Variants in KHDRBS2 observed in about 807,000 individuals in gnomAD.
KHDRBS2 encodes the protein KH domain-containing, RNA-binding, signal transduction-associated protein 2.
KHDRBS2 carries 26 observed loss-of-function variants against 44.3 expected under a neutral mutation model. The ratio of observed to expected loss-of-function variants is 0.59; its 90% CI spans 0.43 to 0.81. The LOEUF (loss-of-function observed/expected upper bound fraction) is 0.81. Among genes scored for constraint, KHDRBS2 ranks in the 40% least tolerant of loss-of-function variants. The pLI, the probability that KHDRBS2 is intolerant of heterozygous loss-of-function variation, is 0.00. For missense variants in KHDRBS2, 476 were observed against 433.1 expected, an observed-to-expected ratio of 1.10 and a Z score of -0.88; for synonymous variants, 194 against 151.1, an observed-to-expected ratio of 1.28 and a Z score of -2.08.
chr6:62,213,238 G>A (rs1261299682), intron 1 of KHDRBS2, among the ~76,000 whole-genome samples: 4 of 152,074 alleles, frequency 2.6e-5, no homozygotes, highest in Non-Finnish European at 4.4e-5. Context: ...CTTTCATTGA[G>A]ATGATTATTT....
At chr6:61,641,815 G>A in the KHDRBS2 span, among the ~76,000 whole-genome samples, 2 of 152,176 alleles carry the variant, frequency 1.3e-5, no homozygotes, top group Non-Finnish European at 2.9e-5. Context: ...CAAAGATAGA[G>A]ATAGAGGCCA....
intron 2 of KHDRBS2, among the ~76,000 whole-genome samples, chr6:62,070,590 T>C (rs1050306065): frequency 5.3e-5 from 8 of 152,050 alleles, no homozygotes; most frequent in Non-Finnish European, 1.0e-4. Flanking sequence ...ACACGCGGTG[T>C]TCGGTTTTTT....
At chr6:61,851,271 ATG>A (rs1415423069) in intron 6 of KHDRBS2, among the ~76,000 whole-genome samples, 1 of 130,710 alleles carries the variant, frequency 7.7e-6, no homozygotes, top group Non-Finnish European at 1.7e-5. Context: ...GTATATATAT[ATG>A]TGTGTGTATA....
intron 3 of KHDRBS2, among the ~76,000 whole-genome samples, chr6:61,991,494 G>A (rs1266401907): frequency 3.9e-5 from 6 of 152,062 alleles, no homozygotes; most frequent in African/African-American, 1.4e-4. Flanking sequence ...AGAAACCTAC[G>A]AAACCAATTA....
chr6:62,204,819 A>C (rs1827668970), intron 1 of KHDRBS2, among the ~76,000 whole-genome samples: 1 of 152,004 alleles, frequency 6.6e-6, no homozygotes. Flanking sequence ...GTTGGTCCTC[A>C]CTATATGCAG....
chr6:62,031,155 G>C (rs1006740881), intron 3 of KHDRBS2, among the ~76,000 whole-genome samples: 3 of 152,052 alleles, frequency 2.0e-5, no homozygotes, highest in Non-Finnish European at 4.4e-5. Flanking sequence ...TTTTTGGCCA[G>C]ACAGGGACCT....
chr6:61,933,993 C>G (rs1810565932), intron 4 of KHDRBS2, among the ~76,000 whole-genome samples: 1 of 152,108 alleles, frequency 6.6e-6, no homozygotes, highest in South Asian at 2.1e-4. Context: ...ATAATGGACA[C>G]ATGGACATTC....
intron 3 of KHDRBS2, among the ~76,000 whole-genome samples, chr6:61,983,244 T>TC (rs1774332866): frequency 2.6e-4 from 10 of 38,026 alleles, no homozygotes; most frequent in African/African-American, 7.6e-4. Flanking sequence ...TTCTTTTTTT[T>TC]TTTTTTTTTT....
At chr6:62,046,233 T>G (rs1030013495) in intron 3 of KHDRBS2, among the ~76,000 whole-genome samples, 5 of 151,840 alleles carry the variant, frequency 3.3e-5, no homozygotes, top group African/African-American at 9.7e-5. Context: ...GTACCTAACA[T>G]GCTCACAGGG....
intron 2 of KHDRBS2, among the ~76,000 whole-genome samples, chr6:62,107,773 T>C (rs181141414): frequency 2.0e-4 from 31 of 152,040 alleles, no homozygotes; most frequent in Admixed American, 1.2e-3. Flanking sequence ...AGAACAGAGC[T>C]CTCAGAAATA....
At chr6:62,194,982 T>C (rs1198927049) in intron 1 of KHDRBS2, among the ~76,000 whole-genome samples, 3 of 152,126 alleles carry the variant, frequency 2.0e-5, no homozygotes, top group East Asian at 1.9e-4. Context: ...ACCTGAAATG[T>C]TGATAGGGAT....
chr6:62,276,968 A>G (rs1841029642), intron 1 of KHDRBS2, among the ~76,000 whole-genome samples: 1 of 152,216 alleles, frequency 6.6e-6, no homozygotes, highest in Non-Finnish European at 1.5e-5. Flanking sequence ...AACTAATGCT[A>G]ATAACTACAC....
intron 3 of KHDRBS2, among the ~76,000 whole-genome samples, chr6:62,018,623 GC>G (rs2127277639): frequency 6.6e-6 from 1 of 152,246 alleles, no homozygotes; most frequent in Admixed American, 6.5e-5. Flanking sequence ...GGGATTACAG[GC>G]GTGAGCCACC....
the KHDRBS2 span, among the ~76,000 whole-genome samples, chr6:61,562,102 ACAT>A: frequency 6.6e-6 from 1 of 152,216 alleles, no homozygotes; most frequent in Admixed American, 6.5e-5. Context: ...ACATAATTTG[ACAT>A]CATATATTCA....
At chr6:62,213,803 G>A (rs1048174276) in intron 1 of KHDRBS2, among the ~76,000 whole-genome samples, 2 of 145,590 alleles carry the variant, frequency 1.4e-5, no homozygotes, top group African/African-American at 5.1e-5. Context: ...GAACCCAGGA[G>A]GCGGAGCTTG....
chr6:62,133,320 T>A (rs1434417767), intron 2 of KHDRBS2, among the ~76,000 whole-genome samples: 1 of 152,220 alleles, frequency 6.6e-6, no homozygotes, highest in Non-Finnish European at 1.5e-5. Flanking sequence ...CTCGTGGTAG[T>A]AAGTCTCATG....
At chr6:61,654,843 C>T in the KHDRBS2 span, among the ~76,000 whole-genome samples, 2 of 151,488 alleles carry the variant, frequency 1.3e-5, no homozygotes, top group Non-Finnish European at 2.9e-5. Flanking sequence ...TCGTGAGAGG[C>T]AGAGTGGGGA....
intron 6 of KHDRBS2, among the ~76,000 whole-genome samples, chr6:61,840,180 A>G (rs1321463750): frequency 2.6e-5 from 4 of 152,140 alleles, no homozygotes; most frequent in Non-Finnish European, 5.9e-5. Context: ...TTCACACTGT[A>G]AACTGATATT....
chr6:62,173,669 C>T (rs1820521286), intron 2 of KHDRBS2, among the ~76,000 whole-genome samples: 1 of 151,938 alleles, frequency 6.6e-6, no homozygotes, highest in Non-Finnish European at 1.5e-5. Context: ...CAGTCCTCAA[C>T]AAAATACTAG....
Sources: gnomAD v4.1 joint callset for allele counts (sites outside exome capture counted in the v4.1 genomes callset) on GRCh38, gnomAD v4.1.1 for gene constraint, MANE v1.5 for transcripts, NCBI Gene and HGNC (gene_info 2026-07-23, HGNC 2026-07-21) for gene names.